LHX4: variants seen among roughly 807,000 people sequenced by gnomAD.
LHX4 encodes the protein LIM/homeobox protein Lhx4.
A neutral mutation model predicts 39.2 loss-of-function variants in LHX4; 16 were observed. The ratio of observed to expected loss-of-function variants is 0.41; its 90% CI spans 0.28 to 0.62. The LOEUF is 0.62. Among genes scored for constraint, LHX4 ranks in the 20% least tolerant of loss-of-function variants. The probability of loss-of-function intolerance (pLI) is 0.33; values close to 1 mark genes in which losing one functional copy is unlikely to be tolerated. For synonymous variants in LHX4, 206 were observed against 198.1 expected (o/e 1.04, Z -0.33); for missense variants, 439 against 511.9 (o/e 0.86, Z 1.37).
intron 2 of LHX4, among the ~76,000 whole-genome samples, chr1:180,261,224 G>A (rs376531953): frequency 2.0e-5 from 3 of 151,338 alleles, no homozygotes; most frequent in East Asian, 3.9e-4. Context: ...GGAGCTGACC[G>A]CTGGGCTGCA....
At chr1:180,254,383 G>A (rs1445150044) in intron 2 of LHX4, among the ~76,000 whole-genome samples, 1 of 152,208 alleles carries the variant, frequency 6.6e-6, no homozygotes. Context: ...TGCTCCCCGC[G>A]GTGCCCCTCC....
At position 180,276,294 on chromosome 1, in the gene LHX4, TG is replaced by T. The variant is rs1649021767; in HGVS notation, c.*1717del. ...TAAAGGAAGAATACACAGTTCCTCT[TG>T]GACTGCTACATCTTTTGTAAGCCCT... On this transcript the variant is annotated 3_prime_UTR_variant, in exon 6 of 6. Transcript: ENST00000263726. 1.3e-5 allele frequency: 2 copies of T among 152,360 alleles called. No homozygotes were observed. The highest frequency in any genetic ancestry group is 2.9e-5 in the Non-Finnish European group (2 of 68,030). 9.4% of individuals were successfully genotyped at this position (152,360 alleles called of 1,614,324 possible).
rs1311301360 is a variant in LHX4 at position 180,278,709 on chromosome 1, G to A, written c.*4130G>A. On this transcript the variant is annotated 3_prime_UTR_variant, in exon 6 of 6. Coordinates refer to ENST00000263726, the MANE Select transcript of LHX4 (RefSeq NM_033343.4). Reference sequence around the variant, plus strand: ...TGCGGGATTCCAGAAGTTGCTCTGAGCTTGCAATCAGACCTCAAAGCCCCA... The same window carrying A: ...TGCGGGATTCCAGAAGTTGCTCTGAACTTGCAATCAGACCTCAAAGCCCCA... The A allele has an allele frequency of 1.3e-5, 2 of 151,834 alleles. No individual in the cohort carries two copies. Among genetic ancestry groups the A allele is most frequent in the Non-Finnish European group, 2.9e-5 (2 of 68,016 alleles). 9.4% of individuals were successfully genotyped at this position (151,834 alleles called of 1,614,324 possible). A position where few individuals can be genotyped will look rare whatever the true frequency, so the allele number is the denominator to read the frequency against.
Position 180,232,797 on chromosome 1 carries a change from G to A in LHX4, c.76+2192G>A, listed in dbSNP as rs1664210825. Reference sequence around the variant, plus strand: ...ATCACCCACATATACACAACTATTAGTTTTCTTGGGACTGGGCCCAGTGGC... The same window carrying A: ...ATCACCCACATATACACAACTATTAATTTTCTTGGGACTGGGCCCAGTGGC... On this transcript the variant is annotated intron_variant, in intron 1 of 5. Transcript: ENST00000263726. This position sits in a 1 kb window ranked among gnomAD's most constrained non-coding sequence, Gnocchi z 5.4. 6.6e-6 allele frequency among the ~76,000 whole-genome samples: 1 copy of A among 152,212 alleles called. No individual in the cohort carries two copies. The highest frequency in any genetic ancestry group is 2.1e-4 in the South Asian group (1 of 4,834).
At chr1:180,247,826 G>A (rs1647446882) in intron 1 of LHX4, among the ~76,000 whole-genome samples, 1 of 152,108 alleles carries the variant, frequency 6.6e-6, no homozygotes, top group African/African-American at 2.4e-5. Flanking sequence ...CAGGACAGAT[G>A]GCCTTTCAGT....
At chr1:180,270,267 A>G (rs1046456534) in intron 3 of LHX4, 1 of 152,226 alleles carries the variant, frequency 6.6e-6, no homozygotes, top group African/African-American at 2.4e-5. Context: ...TATTGTTTCT[A>G]AGAGAGGGTT....
Position 180,274,606 on chromosome 1 carries a change from C to G in LHX4, c.*27C>G, listed in dbSNP as rs1648915401. 1 of 1,529,488 alleles carries G rather than the reference C, an allele frequency of 6.5e-7. No individual in the cohort carries two copies. The allele number at this position is 1,529,488 out of a possible 1,614,324, so 94.7% of individuals were successfully genotyped here. On this transcript the variant is annotated 3_prime_UTR_variant, in exon 6 of 6. Transcript: ENST00000263726. Reference sequence around the variant, plus strand: ...CTTCTCTCCTCCCCACCCTACCTGCCCCCCTGGCTTGAGAGAATATCTTCA... The same window carrying G: ...CTTCTCTCCTCCCCACCCTACCTGCGCCCCTGGCTTGAGAGAATATCTTCA...
At chr1:180,265,045 T>G (rs1648256964) in intron 2 of LHX4, among the ~76,000 whole-genome samples, 1 of 152,222 alleles carries the variant, frequency 6.6e-6, no homozygotes, top group Admixed American at 6.5e-5. Context: ...TCAGCAGGTA[T>G]CATTACTGCA....
At chr1:180,270,029 T>C (rs2149265207) in intron 3 of LHX4, 1 of 152,400 alleles carries the variant, frequency 6.6e-6, no homozygotes, top group African/African-American at 2.4e-5. Flanking sequence ...ATGTCCTGGC[T>C]GCACAGCTGC....
chr1:180,268,029 C>T (rs1170898913), intron 3 of LHX4, among the ~76,000 whole-genome samples: 1 of 152,164 alleles, frequency 6.6e-6, no homozygotes, highest in Non-Finnish European at 1.5e-5. Context: ...CCTCCTTCCT[C>T]CAGAGACCTG....
chr1:180,229,741 G>A (rs1558204657), upstream of LHX4, among the ~76,000 whole-genome samples: 1 of 151,638 alleles, frequency 6.6e-6, no homozygotes, highest in Non-Finnish European at 1.5e-5. Context: ...CCCGGCCTCC[G>A]GACCGCCTGC....
At chr1:180,273,396 C>T (rs1203713301) in intron 5 of LHX4, 6 of 152,394 alleles carry the variant, frequency 3.9e-5, no homozygotes, top group Admixed American at 2.6e-4. Flanking sequence ...TTGAAGTCAA[C>T]ACCTAGAACA....
intron 1 of LHX4, among the ~76,000 whole-genome samples, chr1:180,236,321 C>T (rs1664318309): frequency 6.6e-6 from 1 of 152,176 alleles, no homozygotes. Context: ...CCCCGCTGGC[C>T]AGGTGTAGAC....
intron 1 of LHX4, among the ~76,000 whole-genome samples, chr1:180,236,995 G>T (rs1476280596): frequency 2.6e-5 from 4 of 152,158 alleles, no homozygotes; most frequent in Non-Finnish European, 5.9e-5. Flanking sequence ...TGGAATGAGT[G>T]TTAACAATGC....
Position 180,234,669 on chromosome 1 carries a change from C to G in LHX4, c.76+4064C>G, listed in dbSNP as rs1664270359. 1.3e-5 allele frequency among the ~76,000 whole-genome samples: 2 copies of G among 152,258 alleles called. No homozygotes were observed. The highest frequency in any genetic ancestry group is 2.9e-5 in the Non-Finnish European group (2 of 68,052). ...CCGGACACGGAGCACGCAGGTGCAG[C>G]AGGTGAGGGGCAAAGGTCTGCATTG... On this transcript the variant is annotated intron_variant, in intron 1 of 5. Transcript: ENST00000263726. This position sits in a 1 kb window ranked among gnomAD's most constrained non-coding sequence, Gnocchi z 4.8.
rs904378207 is a variant in LHX4, at chr1:180,275,950, G to A, written c.*1371G>A. On this transcript the variant is annotated 3_prime_UTR_variant, in exon 6 of 6. Coordinates refer to ENST00000263726, the MANE Select transcript of LHX4 (RefSeq NM_033343.4). Reference sequence around the variant, plus strand: ...TTTACGAGTTGCCACTCCTGCGACAGACTGCACTGCTGTGGGAAACGCTGT... The same window carrying A: ...TTTACGAGTTGCCACTCCTGCGACAAACTGCACTGCTGTGGGAAACGCTGT... 6.6e-6 allele frequency: 1 copy of A among 152,308 alleles called. No individual in the cohort carries two copies. The highest frequency in any genetic ancestry group is 1.5e-5 in the Non-Finnish European group (1 of 68,110). 9.4% of individuals were successfully genotyped at this position (152,308 alleles called of 1,614,324 possible).
intron 2 of LHX4, among the ~76,000 whole-genome samples, chr1:180,264,822 G>A (rs2149262719): frequency 6.6e-6 from 1 of 152,200 alleles, no homozygotes; most frequent in South Asian, 2.1e-4. Flanking sequence ...AGAAGCCTGG[G>A]GTCCTCCCAA....
intron 2 of LHX4, among the ~76,000 whole-genome samples, chr1:180,261,421 T>G (rs1308788801): frequency 6.6e-6 from 1 of 151,984 alleles, no homozygotes; most frequent in Non-Finnish European, 1.5e-5. Context: ...GGGGCCAAGG[T>G]GGGAGGATCA....
At chr1:180,245,883 C>T (rs934191309) in intron 1 of LHX4, among the ~76,000 whole-genome samples, 42 of 152,306 alleles carry the variant, frequency 2.8e-4, no homozygotes, top group African/African-American at 9.6e-4. Flanking sequence ...CCTGCCCATG[C>T]CCTCACTGGG....
Sources: gnomAD v4.1 joint callset for allele counts (sites outside exome capture counted in the v4.1 genomes callset) on GRCh38, gnomAD v4.1.1 for gene constraint, Gnocchi (gnomAD v3.1) non-coding constraint, MANE v1.5 for transcripts, NCBI Gene and HGNC (gene_info 2026-07-23, HGNC 2026-07-21) for gene names.